The following KIF15 variants were observed in gnomAD, a reference collection of about 807,000 sequenced individuals.
KIF15 encodes kinesin family member 15, also known as kinesin-like protein KIF15.
Under a neutral mutation model 190.6 loss-of-function variants are expected in KIF15, and 140 were observed. That is an observed-to-expected ratio of 0.73 (90% confidence interval 0.64 to 0.84). KIF15 has a LOEUF of 0.84. Ranked by LOEUF, KIF15 falls within the 40% of genes least tolerant of loss-of-function variation. The probability of loss-of-function intolerance (pLI) is 0.00; values close to 1 mark genes in which losing one functional copy is unlikely to be tolerated. For synonymous variants in KIF15, 528 were observed against 551.3 expected (o/e 0.96, Z 0.59); for missense variants, 1,372 against 1,584.4 (o/e 0.87, Z 2.28).
chr3:44,799,695 T>C (rs143502502), intron 10 of KIF15, among the ~76,000 whole-genome samples: 48 of 151,500 alleles, frequency 3.2e-4, no homozygotes, highest in African/African-American at 1.1e-3. Context: ...TTTAGCCTTT[T>C]AGAAGTTGTC....
chr3:44,859,214 G>T (rs1699215913), intron 6 of KIF15, among the ~76,000 whole-genome samples: 1 of 152,240 alleles, frequency 6.6e-6, no homozygotes, highest in South Asian at 2.1e-4. Flanking sequence ...AAGTTCTTGT[G>T]TGCTGGAGAT....
At chr3:44,859,510 C>G (rs1575700042) in intron 6 of KIF15, among the ~76,000 whole-genome samples, 1 of 152,184 alleles carries the variant, frequency 6.6e-6, no homozygotes, top group Non-Finnish European at 1.5e-5. Context: ...ACAAAAAATA[C>G]AAAAATTAGC....
At chr3:44,862,206 G>A (rs1356553107) in intron 6 of KIF15, 116 of 631,932 alleles carry the variant, frequency 1.8e-4, no homozygotes, top group Non-Finnish European at 2.1e-4. Flanking sequence ...GGCCCGCGGG[G>A]CTCTTGGGGT....
intron 30 of KIF15, among the ~76,000 whole-genome samples, chr3:44,843,520 G>GGT (rs756571641): frequency 6.6e-6 from 1 of 152,138 alleles, no homozygotes; most frequent in Admixed American, 6.5e-5. Context: ...ATTTTTTTAA[G>GGT]GTATATATAA....
At chr3:44,856,888 C>G (rs62242562), downstream of KIF15, among the ~76,000 whole-genome samples, 1 of 152,096 alleles carries the variant, frequency 6.6e-6, no homozygotes, top group Admixed American at 6.5e-5. Context: ...AATACTGACA[C>G]GTAGTCCTTT....
intron 2 of KIF15, 78 bp downstream of exon 2, chr3:44,774,515 A>G: frequency 7.9e-7 from 1 of 1,259,124 alleles, no homozygotes; most frequent in South Asian, 1.3e-5. Context: ...TTAGCATAGT[A>G]AAGAGTACTT....
At chr3:44,864,952 G>A (rs1366374258) in intron 6 of KIF15, 2 of 1,551,960 alleles carry the variant, frequency 1.3e-6, no homozygotes, top group East Asian at 2.3e-5. Flanking sequence ...TTTCCTCCTG[G>A]CACCCTTAGA....
At chr3:44,825,914 A>T in intron 20 of KIF15, 125 bp from the exon 21 acceptor site, 2 of 776,328 alleles carry the variant, frequency 2.6e-6, no homozygotes, top group Non-Finnish European at 4.1e-6. Flanking sequence ...GGAGCCTTAT[A>T]TCACTCGAGG....
intron 18 of KIF15, 84 bp downstream of exon 18, chr3:44,812,373 C>G: frequency 3.2e-6 from 3 of 939,568 alleles, no homozygotes; most frequent in Non-Finnish European, 5.1e-6. Flanking sequence ...GATCCTCAAA[C>G]ATCCTTGAGT....
chr3:44,814,554 G>A (rs909117193), intron 19 of KIF15, among the ~76,000 whole-genome samples: 5 of 152,074 alleles, frequency 3.3e-5, no homozygotes, highest in East Asian at 3.9e-4. Flanking sequence ...CAAGCATTTC[G>A]CCTGCCTCAG....
At chr3:44,813,037 G>C (rs778408063) in intron 18 of KIF15, 38 bp from the exon 19 acceptor site, 12 of 1,233,732 alleles carry the variant, frequency 9.7e-6, no homozygotes, top group East Asian at 7.4e-5. Flanking sequence ...TAGCATGCCA[G>C]TATTCCTTTT....
At chr3:44,789,466 A>G (rs1706567199) in intron 7 of KIF15, among the ~76,000 whole-genome samples, 1 of 151,722 alleles carries the variant, frequency 6.6e-6, no homozygotes, top group East Asian at 1.9e-4. Context: ...TTTATGGATT[A>G]ATAACCTTTT....
intron 7 of KIF15, among the ~76,000 whole-genome samples, chr3:44,792,091 A>G (rs1052898021): frequency 6.6e-6 from 1 of 151,214 alleles, no homozygotes; most frequent in African/African-American, 2.4e-5. Context: ...TGTTTTTTGT[A>G]GCTGTATGAA....
chr3:44,868,284 T>A (rs577821229), intron 6 of KIF15, among the ~76,000 whole-genome samples: 2 of 152,346 alleles, frequency 1.3e-5, no homozygotes, highest in South Asian at 4.1e-4. Flanking sequence ...GTAGCATGAA[T>A]CAGTTATTCA....
chr3:44,778,063 GA>G, intron 3 of KIF15, 51 bp from the exon 4 acceptor site: 1 of 1,481,162 alleles, frequency 6.8e-7, no homozygotes, highest in South Asian at 1.1e-5. Flanking sequence ...TGCAATTTAG[GA>G]AAAATGTTTT....
At chr3:44,823,529 C>T (rs115663354) in intron 20 of KIF15, among the ~76,000 whole-genome samples, 2,836 of 152,288 alleles carry the variant, frequency 0.019, 74 homozygotes, top group African/African-American at 0.063. Context: ...GTTGGGAGAA[C>T]CACTGTACTC....
chr3:44,790,660 G>T (rs1575597224), intron 7 of KIF15, among the ~76,000 whole-genome samples: 1 of 145,742 alleles, frequency 6.9e-6, no homozygotes. Flanking sequence ...ATTACCATTT[G>T]CCTGGTATAC....
chr3:44,854,125 C>A (rs1458339895), downstream of KIF15, among the ~76,000 whole-genome samples: 2 of 152,184 alleles, frequency 1.3e-5, no homozygotes, highest in Non-Finnish European at 2.9e-5. Context: ...TGGCTCACAC[C>A]TGTAATCCCA....
intron 26 of KIF15, among the ~76,000 whole-genome samples, chr3:44,833,360 G>A (rs139945482): frequency 9.3e-4 from 141 of 151,908 alleles, no homozygotes; most frequent in African/African-American, 3.3e-3. Flanking sequence ...TATTTACATT[G>A]TAATATATAA....
Sources: gnomAD v4.1 joint callset for allele counts (sites outside exome capture counted in the v4.1 genomes callset) on GRCh38, gnomAD v4.1.1 for gene constraint, MANE v1.5 for transcripts, NCBI Gene and HGNC (gene_info 2026-07-23, HGNC 2026-07-21) for gene names.